The following MAP1B variants were observed in gnomAD, a reference collection of about 807,000 sequenced individuals.
The protein encoded by MAP1B is microtubule associated protein 1B, also known as microtubule-associated protein 1B.
In MAP1B, 12 loss-of-function variants were observed where a neutral mutation model predicts 176.1. That is an observed-to-expected ratio of 0.07 (90% CI 0.04 to 0.11). The LOEUF is 0.11. Among genes scored for constraint, MAP1B ranks in the 10% least tolerant of loss-of-function variants. The probability of loss-of-function intolerance (pLI) is 1.00; values close to 1 mark genes in which losing one functional copy is unlikely to be tolerated. For missense variants in MAP1B, 2,523 were observed against 2,990.5 expected (o/e 0.84, Z 3.65); for synonymous variants, 1,044 against 1,135.0 (o/e 0.92, Z 1.61).
rs748352596 is a variant in MAP1B, at chr5:72,195,257, G to A, written c.1902G>A (p.Lys634=). The A allele has an allele frequency of 2.2e-5, 35 of 1,613,440 alleles. No individual in the cohort carries two copies. The highest frequency in any genetic ancestry group is 3.3e-5 in the South Asian group (3 of 91,070). Reference sequence around the variant, plus strand: ...CAGATGTCAAACCCAAAGCTGCCAAGGAGAAGACGGTGAAAAAGGAAACAA... The same window carrying A: ...CAGATGTCAAACCCAAAGCTGCCAAAGAGAAGACGGTGAAAAAGGAAACAA... ...QATDVKPKAA[K]EKTVKKETKV... Residue 634 remains lysine (K), a synonymous_variant, in exon 5 of 7, where the codon AAG becomes AAA. Transcript: ENST00000296755.
chr5:72,150,705 A>G (rs1284091050), intron 2 of MAP1B, among the ~76,000 whole-genome samples: 1 of 152,102 alleles, frequency 6.6e-6, no homozygotes, highest in Non-Finnish European at 1.5e-5. Flanking sequence ...CGATGTGTCC[A>G]TGTATTTTCA....
At chr5:72,129,643 G>A (rs1236651304) in intron 2 of MAP1B, among the ~76,000 whole-genome samples, 3 of 151,292 alleles carry the variant, frequency 2.0e-5, no homozygotes, top group Non-Finnish European at 4.4e-5. Flanking sequence ...TTTTCTCTTT[G>A]GTATCCCTCA....
At chr5:72,135,692 G>A (rs1484001014) in intron 2 of MAP1B, among the ~76,000 whole-genome samples, 1 of 151,648 alleles carries the variant, frequency 6.6e-6, no homozygotes, top group Non-Finnish European at 1.5e-5. Flanking sequence ...AGTTTCCCTG[G>A]AACAGAGTCA....
Position 72,206,187 on chromosome 5 carries a change from G to T in MAP1B, c.*948G>T, listed in dbSNP as rs938598397. On this transcript the variant is annotated 3_prime_UTR_variant, in exon 7 of 7. Transcript: ENST00000296755. ...TATGGTAGACAATTTGCCTTAGGAAGTGACTTGAATGTACAAAGATACTTG... is the reference window on the plus strand; with the variant it reads ...TATGGTAGACAATTTGCCTTAGGAATTGACTTGAATGTACAAAGATACTTG... The T allele has an allele frequency of 7.2e-5, 11 of 152,676 alleles. No individual in the cohort carries two copies. Among genetic ancestry groups the T allele is most frequent in the African/African-American group, 2.7e-4 (11 of 41,462 alleles). The allele number at this position is 152,676 out of a possible 1,614,324, so 9.5% of individuals were successfully genotyped here. A position where few individuals can be genotyped will look rare whatever the true frequency, so the allele number is the denominator to read the frequency against.
intron 2 of MAP1B, 95 bp downstream of exon 2, chr5:72,115,894 T>C (rs1745426899): frequency 1.3e-6 from 1 of 793,546 alleles, no homozygotes; most frequent in African/African-American, 1.7e-5. Context: ...GACTCTCTTA[T>C]TGCTAAAAGG....
At chr5:72,128,409 A>T (rs772151341) in intron 2 of MAP1B, among the ~76,000 whole-genome samples, 41 of 45,370 alleles carry the variant, frequency 9.0e-4, no homozygotes, top group Admixed American at 3.7e-3. Flanking sequence ...ATATTGTTTT[A>T]AAAAAAAAAA....
At chr5:72,157,949 C>T (rs550634757) in intron 2 of MAP1B, among the ~76,000 whole-genome samples, 20 of 151,960 alleles carry the variant, frequency 1.3e-4, no homozygotes, top group African/African-American at 4.6e-4. Flanking sequence ...AAGCGATTCT[C>T]CTGCCTCAGC....
In MAP1B at chr5:72,142,824, G is replaced by A. The variant is rs145620317; in HGVS notation, c.286+27025G>A. Among the ~76,000 whole-genome samples the A allele has an allele frequency of 1.8e-4, 27 of 152,004 alleles. 1 individual carries two copies. In the South Asian group the frequency reaches 5.2e-3, roughly 29 times the overall value. On this transcript the variant is annotated intron_variant, in intron 2 of 6. Coordinates refer to ENST00000296755, the MANE Select transcript of MAP1B (RefSeq NM_005909.5). Reference sequence around the variant, plus strand: ...GTTATGGGTCATTTTTATATAGGCCGTAGTGCGTAAACATTTTCGACTGTG... The same window carrying A: ...GTTATGGGTCATTTTTATATAGGCCATAGTGCGTAAACATTTTCGACTGTG...
chr5:72,158,122 C>T (rs143322069), intron 2 of MAP1B, among the ~76,000 whole-genome samples: 3,335 of 151,634 alleles, frequency 0.022, 124 homozygotes, highest in African/African-American at 0.076. Flanking sequence ...CATTCTCCTG[C>T]CTCAGCCTCC....
In MAP1B at chr5:72,150,422, T is replaced by G. The variant is rs548395246; in HGVS notation, c.287-33321T>G. Among the ~76,000 whole-genome samples, 3 of 152,356 alleles carry G rather than the reference T, an allele frequency of 2.0e-5. No homozygotes were observed. In the South Asian group the frequency reaches 6.2e-4, roughly 32 times the overall value. ...TTCTGGAACTACCTGTTCTGCCTAA[T>G]TTGCCAGTGAGGGATAACTTAAGCC... On this transcript the variant is annotated intron_variant, in intron 2 of 6. Coordinates refer to ENST00000296755, the MANE Select transcript of MAP1B (RefSeq NM_005909.5).
At chr5:72,171,598 T>A (rs539347014) in intron 2 of MAP1B, among the ~76,000 whole-genome samples, 68 of 150,416 alleles carry the variant, frequency 4.5e-4, no homozygotes, top group East Asian at 1.9e-4. Flanking sequence ...TCAAAAAAAA[T>A]TTTTTTTTTA....
In MAP1B at chr5:72,198,709, C is replaced by T. The variant is rs746466999; in HGVS notation, c.5354C>T (p.Ser1785Phe). ...GEKLSPKSDI[S>F]PLTPRESSPL... ...AAGCTCTCTCCAAAATCTGATATCT[C>T]TCCACTCACCCCACGAGAGTCCTCT... The change falls in exon 5 of 7, where the codon TCT becomes TTT. Residue 1785 changes from serine to phenylalanine, a missense_variant. Physicochemically the swap from Ser to Phe is radical, Grantham distance 155. Around this residue, in one of 4 missense-constraint regions of MAP1B, gnomAD observed 1,925 missense variants for 2,126.0 expected, o/e 0.91. Coordinates refer to ENST00000296755, the MANE Select transcript of MAP1B (RefSeq NM_005909.5). The T allele has an allele frequency of 7.4e-6, 12 of 1,614,068 alleles. No homozygotes were observed. The African/African-American group carries it at 1.6e-4, about 22-fold the overall frequency.
intron 2 of MAP1B, among the ~76,000 whole-genome samples, chr5:72,153,381 T>C (rs1205309536): frequency 6.6e-6 from 1 of 152,082 alleles, no homozygotes; most frequent in East Asian, 1.9e-4. Context: ...GAACCACTCA[T>C]ATAAAGGCAG....
chr5:72,160,443 A>C (rs1746307243), intron 2 of MAP1B, among the ~76,000 whole-genome samples: 1 of 152,054 alleles, frequency 6.6e-6, no homozygotes, highest in Admixed American at 6.5e-5. Context: ...TAGGCTGGGA[A>C]TAGCCTGGCT....
chr5:72,120,438 T>C (rs1040330776), intron 2 of MAP1B, among the ~76,000 whole-genome samples: 7 of 151,438 alleles, frequency 4.6e-5, no homozygotes, highest in Non-Finnish European at 8.8e-5. Context: ...TTTTTTTTTT[T>C]TTTTGAGATA....
At chr5:72,136,636 T>C (rs1354665401) in intron 2 of MAP1B, among the ~76,000 whole-genome samples, 1 of 152,190 alleles carries the variant, frequency 6.6e-6, no homozygotes, top group Non-Finnish European at 1.5e-5. Flanking sequence ...TGTCAGATCC[T>C]GCCCCAAGTC....
intron 2 of MAP1B, among the ~76,000 whole-genome samples, chr5:72,181,552 C>G (rs1486175419): frequency 2.0e-5 from 3 of 152,048 alleles, no homozygotes; most frequent in African/African-American, 7.2e-5. Flanking sequence ...ACCATCCCCT[C>G]TTTTTTTATT....
chr5:72,185,539 A>G (rs1431722865), intron 3 of MAP1B, among the ~76,000 whole-genome samples: 4 of 151,390 alleles, frequency 2.6e-5, no homozygotes, highest in Non-Finnish European at 5.9e-5. Context: ...GGTTGCAGTG[A>G]GCCGAGATGG....
chr5:72,195,173 G>A lies in MAP1B; in HGVS notation c.1818G>A (p.Glu606=). ...TETKPSVTEK[E]VPSKEEPSPV... Reference sequence around the variant, plus strand: ...CCAAACCTTCAGTGACTGAAAAGGAGGTTCCCAGCAAAGAAGAGCCATCTC... The same window carrying A: ...CCAAACCTTCAGTGACTGAAAAGGAAGTTCCCAGCAAAGAAGAGCCATCTC... The change falls in exon 5 of 7, where the codon GAG becomes GAA. Residue 606 remains glutamate, a synonymous_variant. Transcript: ENST00000296755. 2 of 1,613,724 alleles carry A rather than the reference G, an allele frequency of 1.2e-6. No individual in the cohort carries two copies. Among genetic ancestry groups the A allele is most frequent in the Non-Finnish European group, 8.5e-7 (1 of 1,179,980 alleles).
Sources: allele counts gnomAD v4.1 joint callset (sites outside exome capture counted in the v4.1 genomes callset), GRCh38; gene constraint gnomAD v4.1.1; regional missense constraint gnomAD v4.1.1; transcripts MANE v1.5; gene names NCBI Gene and HGNC (gene_info 2026-07-23, HGNC 2026-07-21).